COL24A1: variants seen among roughly 807,000 people sequenced by gnomAD.
COL24A1 encodes collagen type XXIV alpha 1 chain, also known as collagen alpha-1(XXIV) chain.
A neutral mutation model predicts 253.9 loss-of-function variants in COL24A1; 224 were observed. The observed-to-expected ratio is 0.88, with a 90% CI of 0.79 to 0.99. The LOEUF (loss-of-function observed/expected upper bound fraction) is 0.99, where lower values mean the gene tolerates loss of function less well. COL24A1 is among the 50% of genes least tolerant of loss of function. The pLI, the probability that COL24A1 is intolerant of heterozygous loss-of-function variation, is 0.00. For missense variants in COL24A1, 2,131 were observed against 2,068.5 expected, an observed-to-expected ratio of 1.03 and a Z score of -0.59; for synonymous variants, 685 against 673.7, an observed-to-expected ratio of 1.02 and a Z score of -0.26.
chr1:85,770,165 T>C (rs2101277851), intron 53 of COL24A1, among the ~76,000 whole-genome samples: 1 of 152,318 alleles, frequency 6.6e-6, no homozygotes, highest in East Asian at 1.9e-4. Flanking sequence ...AAGGTGAGGA[T>C]CACATTTCTA....
At chr1:85,839,390 G>T (rs1037093762) in intron 42 of COL24A1, among the ~76,000 whole-genome samples, 22 of 152,078 alleles carry the variant, frequency 1.4e-4, no homozygotes, top group Admixed American at 1.1e-3. Flanking sequence ...TTTTAAAAGG[G>T]ATTTAAATAG....
chr1:85,985,941 A>G (rs908321682), intron 20 of COL24A1, among the ~76,000 whole-genome samples: 6 of 151,822 alleles, frequency 4.0e-5, no homozygotes, highest in African/African-American at 9.7e-5. Context: ...AATAACTTCT[A>G]TTATAAATAT....
chr1:86,125,026 T>A lies in COL24A1; in HGVS notation c.1310A>T (p.Asn437Ile), dbSNP rs1345458199. ...ILNTSLHRVT[N>I]EPSVDNHLDL... The stretch of plus-strand genomic sequence containing the variant: ...AAGGTGATTATCCACAGATGGCTCA[T>A]TTGTCACTCTATGCAAGCTTGTGTT... Residue 437 changes from asparagine to isoleucine, a missense_variant, in exon 3 of 60, where the codon AAT becomes ATT. Transcript: ENST00000370571. 2.5e-6 allele frequency: 4 copies of A among 1,613,154 alleles called. No individual in the cohort carries two copies.
intron 37 of COL24A1, among the ~76,000 whole-genome samples, chr1:85,854,160 C>A (rs949652815): frequency 6.6e-6 from 1 of 152,108 alleles, no homozygotes; most frequent in Non-Finnish European, 1.5e-5. Flanking sequence ...AGGTAGGGGT[C>A]CAGCTTCAAT....
At chr1:86,050,608 T>C (rs1016925987) in intron 10 of COL24A1, among the ~76,000 whole-genome samples, 1 of 152,100 alleles carries the variant, frequency 6.6e-6, no homozygotes, top group Non-Finnish European at 1.5e-5. Flanking sequence ...CCACTTGAGA[T>C]AGGTCTAGAG....
chr1:85,907,765 G>A (rs114112044), intron 27 of COL24A1, among the ~76,000 whole-genome samples: 3,373 of 151,796 alleles, frequency 0.022, 128 homozygotes, highest in African/African-American at 0.075. Flanking sequence ...TTATTATTAA[G>A]TCAATTATAA....
At chr1:86,027,323 G>A (rs1033935019) in intron 14 of COL24A1, among the ~76,000 whole-genome samples, 5 of 151,998 alleles carry the variant, frequency 3.3e-5, no homozygotes, top group African/African-American at 1.2e-4. Context: ...TCCAGGGAGT[G>A]TCAGAGATCT....
At chr1:85,827,387 C>G (rs1397798675) in intron 43 of COL24A1, among the ~76,000 whole-genome samples, 2 of 151,122 alleles carry the variant, frequency 1.3e-5, no homozygotes, top group African/African-American at 2.4e-5. Flanking sequence ...CTAAAATTCT[C>G]TTTTTTGGTT....
At chr1:86,120,211 C>T (rs1706600055) in intron 3 of COL24A1, among the ~76,000 whole-genome samples, 1 of 152,180 alleles carries the variant, frequency 6.6e-6, no homozygotes, top group Non-Finnish European at 1.5e-5. Flanking sequence ...TTAGGCAATA[C>T]CATTCAGGAC....
At chr1:86,085,976 C>CT (rs55663543) in intron 7 of COL24A1, among the ~76,000 whole-genome samples, 14 of 151,124 alleles carry the variant, frequency 9.3e-5, no homozygotes, top group African/African-American at 2.4e-4. Flanking sequence ...GTTTTCAAGA[C>CT]TTTTTTTTTA....
intron 47 of COL24A1, among the ~76,000 whole-genome samples, chr1:85,787,031 ATT>A: frequency 6.6e-6 from 1 of 152,294 alleles, no homozygotes; most frequent in South Asian, 2.1e-4. Context: ...CAGTTTTTAC[ATT>A]TTTAAACATT....
chr1:86,096,592 T>C (rs1370872525), intron 5 of COL24A1, among the ~76,000 whole-genome samples: 3 of 152,118 alleles, frequency 2.0e-5, no homozygotes, highest in African/African-American at 4.8e-5. Flanking sequence ...CTCGCTTTCC[T>C]CCTCAGCCTA....
intron 2 of COL24A1, among the ~76,000 whole-genome samples, 196 bp downstream of exon 2, chr1:86,145,923 T>G (rs1226307836): frequency 6.6e-6 from 1 of 152,048 alleles, no homozygotes; most frequent in Non-Finnish European, 1.5e-5. Flanking sequence ...AGACGGAAGA[T>G]ATGAGTAATT....
chr1:85,969,125 A>G (rs1691860485), intron 22 of COL24A1, among the ~76,000 whole-genome samples: 1 of 152,180 alleles, frequency 6.6e-6, no homozygotes, highest in African/African-American at 2.4e-5. Flanking sequence ...TTTTCGAAGG[A>G]AGTAAATTTT....
rs1050324931 is a variant in COL24A1, at chr1:85,737,615, G to A, written c.4673-110C>T. 9 of 699,012 alleles carry A rather than the reference G, an allele frequency of 1.3e-5. No individual in the cohort carries two copies. The East Asian group carries it at 1.8e-4, about 14-fold the overall frequency. 43.3% of individuals were successfully genotyped at this position (699,012 alleles called of 1,614,324 possible). On this transcript the variant is annotated intron_variant, in intron 57 of 59. Transcript: ENST00000370571. Reference sequence around the variant, plus strand: ...TCTCATTCTGTTAGCCCAGGCTGGAGTGCAGCGGTGCGATCTTGGCTCACT... The same window carrying A: ...TCTCATTCTGTTAGCCCAGGCTGGAATGCAGCGGTGCGATCTTGGCTCACT...
At chr1:86,024,247 C>T (rs887112603) in intron 14 of COL24A1, among the ~76,000 whole-genome samples, 30 of 152,140 alleles carry the variant, frequency 2.0e-4, no homozygotes, top group African/African-American at 7.0e-4. Flanking sequence ...ACTTCTACTA[C>T]GCTACTTAGT....
At chr1:85,785,309 A>G (rs1669567455) in intron 48 of COL24A1, among the ~76,000 whole-genome samples, 1 of 152,072 alleles carries the variant, frequency 6.6e-6, no homozygotes, top group Non-Finnish European at 1.5e-5. Context: ...ATTGATTTTT[A>G]TTTTTGAAAT....
chr1:85,781,482 A>C (rs1669140800), intron 51 of COL24A1, among the ~76,000 whole-genome samples: 1 of 152,128 alleles, frequency 6.6e-6, no homozygotes, highest in Non-Finnish European at 1.5e-5. Flanking sequence ...TTATCAGGAG[A>C]GTTGCATCTG....
intron 1 of COL24A1, among the ~76,000 whole-genome samples, chr1:86,152,121 T>A (rs1652860460): frequency 6.6e-6 from 1 of 152,168 alleles, no homozygotes; most frequent in Non-Finnish European, 1.5e-5. Flanking sequence ...GCAGTGGACA[T>A]AAAGTTGGAT....
Sources: gnomAD v4.1 joint callset for allele counts (sites outside exome capture counted in the v4.1 genomes callset) on GRCh38, gnomAD v4.1.1 for gene constraint, MANE v1.5 for transcripts, NCBI Gene and HGNC (gene_info 2026-07-23, HGNC 2026-07-21) for gene names.